Variants in TMEM51 observed in about 807,000 individuals in gnomAD.
TMEM51 encodes transmembrane protein 51, also known as chromosome 1 open reading frame 72.
Under a neutral mutation model 13.6 loss-of-function variants are expected in TMEM51, and 8 were observed. That is an observed-to-expected ratio of 0.59 (90% CI 0.35 to 1.07). The LOEUF (loss-of-function observed/expected upper bound fraction) is 1.07, where lower values mean the gene tolerates loss of function less well. Ranked by LOEUF, TMEM51 falls within the 50% of genes least tolerant of loss-of-function variation. The pLI is 0.02. For missense variants in TMEM51, 279 were observed against 330.7 expected (o/e 0.84, Z 1.21); for synonymous variants, 147 against 144.4 (o/e 1.02, Z -0.13).
rs531204511 is a variant in TMEM51 at position 15,219,580 on chromosome 1, C to T, written c.599C>T (p.Pro200Leu). The T allele has an allele frequency of 3.9e-5, 63 of 1,614,100 alleles. No individual in the cohort carries two copies. The highest frequency in any genetic ancestry group is 3.3e-4 in the Middle Eastern group (2 of 6,062). The part of the protein sequence containing the change: ...QNSKLAKRLK[P>L]LKVRRIKSEK... Reference sequence around the variant, plus strand: ...TCTAAGTTGGCCAAACGACTGAAACCGCTGAAAGTTCGAAGGATTAAATCT... The same window carrying T: ...TCTAAGTTGGCCAAACGACTGAAACTGCTGAAAGTTCGAAGGATTAAATCT... Residue 200 changes from proline (P) to leucine (L), a missense_variant, in exon 4 of 4, where the codon CCG (proline) becomes CTG (leucine). Physicochemically the swap from Pro to Leu is moderately conservative, Grantham distance 98. Transcript: ENST00000376008.
At chr1:15,167,807 T>C (rs563942850) in intron 1 of TMEM51, among the ~76,000 whole-genome samples, 94 of 152,250 alleles carry the variant, frequency 6.2e-4, no homozygotes, top group Non-Finnish European at 1.2e-3. Context: ...TGGTAGGAGG[T>C]TGACCACCTC....
intron 1 of TMEM51, chr1:15,191,869 T>C: frequency 2.3e-6 from 1 of 429,820 alleles, no homozygotes; most frequent in Non-Finnish European, 4.6e-6. Flanking sequence ...GCTACAGTAA[T>C]TGACTTACGT....
chr1:15,164,366 G>T (rs1311922118), intron 1 of TMEM51: 1 of 455,966 alleles, frequency 2.2e-6, no homozygotes, highest in Non-Finnish European at 4.4e-6. Flanking sequence ...GAACTTTGAA[G>T]AGTACTGGTT....
At chr1:15,176,929 G>A (rs141182949) in intron 1 of TMEM51, among the ~76,000 whole-genome samples, 16 of 152,314 alleles carry the variant, frequency 1.1e-4, no homozygotes, top group Middle Eastern at 3.4e-3. Flanking sequence ...AAGAATCACT[G>A]AAAAGGACTC....
chr1:15,159,681 C>T (rs1308891140), intron 1 of TMEM51, among the ~76,000 whole-genome samples: 1 of 152,182 alleles, frequency 6.6e-6, no homozygotes, highest in Non-Finnish European at 1.5e-5. Flanking sequence ...CTCAGCCTCC[C>T]TAGTAGCTGG....
intron 1 of TMEM51, among the ~76,000 whole-genome samples, chr1:15,160,777 G>T (rs182029192): frequency 2.9e-5 from 3 of 103,906 alleles, no homozygotes; most frequent in Non-Finnish European, 6.2e-5. Context: ...GCTAAACACC[G>T]GCGCCATCAC....
chr1:15,213,236 G>A (rs1156696996), intron 2 of TMEM51, among the ~76,000 whole-genome samples: 1 of 152,196 alleles, frequency 6.6e-6, no homozygotes, highest in Non-Finnish European at 1.5e-5. Context: ...AGAAATATTT[G>A]TTGGGTGAAA....
intron 1 of TMEM51, among the ~76,000 whole-genome samples, chr1:15,188,658 C>A (rs1021673773): frequency 2.0e-5 from 3 of 152,222 alleles, no homozygotes; most frequent in South Asian, 4.1e-4. Flanking sequence ...AGAAGCATTC[C>A]TCAGTTTACC....
intron 2 of TMEM51, among the ~76,000 whole-genome samples, chr1:15,213,045 C>T (rs989404311): frequency 1.8e-4 from 27 of 152,214 alleles, no homozygotes; most frequent in African/African-American, 6.5e-4. Flanking sequence ...CTGTATGTCC[C>T]ACAGCCCTGA....
At chr1:15,204,033 T>C (rs1341145036) in intron 1 of TMEM51, among the ~76,000 whole-genome samples, 2 of 152,262 alleles carry the variant, frequency 1.3e-5, no homozygotes, top group East Asian at 3.8e-4. Flanking sequence ...TCTCTCCTTT[T>C]TTCTGCAAAA....
chr1:15,211,563 T>C (rs1644338466), intron 2 of TMEM51, among the ~76,000 whole-genome samples: 1 of 152,202 alleles, frequency 6.6e-6, no homozygotes, highest in Non-Finnish European at 1.5e-5. Context: ...AGTTTTTGTC[T>C]CCCTTTTACA....
chr1:15,203,559 C>T (rs903119490), intron 1 of TMEM51, among the ~76,000 whole-genome samples: 3 of 152,058 alleles, frequency 2.0e-5, no homozygotes, highest in Non-Finnish European at 4.4e-5. Flanking sequence ...CCACACCTGG[C>T]CTGTTTTTAA....
intron 1 of TMEM51, among the ~76,000 whole-genome samples, chr1:15,163,889 C>G (rs183361109): frequency 6.6e-6 from 1 of 150,906 alleles, no homozygotes; most frequent in Non-Finnish European, 1.5e-5. Flanking sequence ...AGTACAGTGG[C>G]GTGGTCTCGG....
chr1:15,173,028 G>T (rs2100840959), intron 1 of TMEM51, among the ~76,000 whole-genome samples: 1 of 152,248 alleles, frequency 6.6e-6, no homozygotes, highest in African/African-American at 2.4e-5. Flanking sequence ...TGGGCTCAAT[G>T]CCTACCTTTT....
At chr1:15,206,441 G>T (rs1644252000) in intron 1 of TMEM51, among the ~76,000 whole-genome samples, 1 of 152,128 alleles carries the variant, frequency 6.6e-6, no homozygotes, top group South Asian at 2.1e-4. Flanking sequence ...TCGGTGCCTT[G>T]CCCAGAAAGT....
intron 1 of TMEM51, among the ~76,000 whole-genome samples, chr1:15,190,421 T>G (rs926292775): frequency 3.9e-4 from 60 of 152,250 alleles, no homozygotes; most frequent in African/African-American, 1.4e-3. Flanking sequence ...TCCTCCCAAT[T>G]TGGAACCTGA....
chr1:15,174,958 T>G (rs1237398086), intron 1 of TMEM51, among the ~76,000 whole-genome samples: 1 of 152,222 alleles, frequency 6.6e-6, no homozygotes, highest in East Asian at 1.9e-4. Flanking sequence ...GAGCTTCATA[T>G]GAATTTTGGA....
At chr1:15,157,306 C>G (rs921514729) in intron 1 of TMEM51, among the ~76,000 whole-genome samples, 1 of 152,220 alleles carries the variant, frequency 6.6e-6, no homozygotes, top group Non-Finnish European at 1.5e-5. Flanking sequence ...CACATTCTCT[C>G]TTGCCCTGGA....
intron 1 of TMEM51, among the ~76,000 whole-genome samples, chr1:15,191,614 T>A (rs977206206): frequency 3.3e-5 from 5 of 152,204 alleles, no homozygotes; most frequent in African/African-American, 1.2e-4. Context: ...AAGCCTCACT[T>A]TAATAAGTAG....
Sources: gnomAD v4.1 joint callset for allele counts (sites outside exome capture counted in the v4.1 genomes callset) on GRCh38, gnomAD v4.1.1 for gene constraint, MANE v1.5 for transcripts, NCBI Gene and HGNC (gene_info 2026-07-23, HGNC 2026-07-21) for gene names.